RNF220: variants seen among roughly 807,000 people sequenced by gnomAD.
The protein encoded by RNF220 is ring finger protein 220.
Under a neutral mutation model 67.1 loss-of-function variants are expected in RNF220, and 7 were observed. The ratio of observed to expected loss-of-function variants is 0.10; its 90% CI spans 0.06 to 0.20. The LOEUF is 0.20. RNF220 is among the 10% of genes least tolerant of loss of function. RNF220 has a pLI of 1.00. For missense variants in RNF220, 565 were observed against 740.3 expected (o/e 0.76, Z 2.75); for synonymous variants, 270 against 283.2 (o/e 0.95, Z 0.47).
intron 2 of RNF220, among the ~76,000 whole-genome samples, chr1:44,546,606 A>G (rs563005508): frequency 1.3e-5 from 2 of 152,294 alleles, no homozygotes; most frequent in East Asian, 3.9e-4. Context: ...AGCAGACCAC[A>G]TCAGAGGAGC....
chr1:44,538,184 T>TGTC (rs1661383696), intron 2 of RNF220, among the ~76,000 whole-genome samples: 1 of 152,244 alleles, frequency 6.6e-6, no homozygotes. Context: ...TCTGGTCATA[T>TGTC]GTCACTGGAG....
At chr1:44,476,717 A>G (rs890414465) in intron 2 of RNF220, among the ~76,000 whole-genome samples, 15 of 152,252 alleles carry the variant, frequency 9.9e-5, no homozygotes, top group Admixed American at 2.6e-4. Context: ...GCTTGCAACC[A>G]TCAGGCTAGA....
intron 2 of RNF220, among the ~76,000 whole-genome samples, chr1:44,580,212 C>T (rs1665168199): frequency 6.6e-6 from 1 of 152,018 alleles, no homozygotes; most frequent in Non-Finnish European, 1.5e-5. Context: ...GTTGCTATTA[C>T]ATAATGAAGC....
chr1:44,472,894 T>A (rs1654941689), intron 2 of RNF220, among the ~76,000 whole-genome samples: 1 of 152,188 alleles, frequency 6.6e-6, no homozygotes, highest in Non-Finnish European at 1.5e-5. Flanking sequence ...CCACCTTGCC[T>A]TTCTCCCTCT....
Position 44,524,092 on chromosome 1 carries a change from C to T in RNF220, c.626-90073C>T, listed in dbSNP as rs1292441941. 5.5e-5 allele frequency among the ~76,000 whole-genome samples: 8 copies of T among 146,142 alleles called. No homozygotes were observed. In the Admixed American group the frequency reaches 5.5e-4, roughly 10 times the overall value. The stretch of plus-strand genomic sequence containing the variant: ...GCAGCAGCCTGGCTAGAGTGGGGGC[C>T]CAAATGTGAATGGGGGGATGCTGGA... On this transcript the variant is annotated intron_variant, in intron 2 of 14. Transcript: ENST00000361799.
At chr1:44,601,118 C>T (rs1335452869) in intron 2 of RNF220, among the ~76,000 whole-genome samples, 1 of 152,132 alleles carries the variant, frequency 6.6e-6, no homozygotes, top group Non-Finnish European at 1.5e-5. Context: ...GGTATATTGC[C>T]TAGCACATGG....
intron 2 of RNF220, among the ~76,000 whole-genome samples, chr1:44,431,500 CAAAAAAAAA>C (rs34244024): frequency 1.1e-5 from 1 of 90,480 alleles, no homozygotes; most frequent in Non-Finnish European, 2.4e-5. Context: ...GACTTCATCT[CAAAAAAAAA>C]AAAAAAAAAA....
chr1:44,535,145 T>A (rs1305749149), intron 2 of RNF220, among the ~76,000 whole-genome samples: 1 of 146,410 alleles, frequency 6.8e-6, no homozygotes, highest in Non-Finnish European at 1.5e-5. Flanking sequence ...CTTTTTTTTT[T>A]TTTTTTTTTT....
intron 2 of RNF220, among the ~76,000 whole-genome samples, chr1:44,478,474 C>T (rs1038617369): frequency 2.0e-5 from 3 of 151,972 alleles, no homozygotes; most frequent in African/African-American, 7.2e-5. Context: ...GTAATCCTAG[C>T]ACTTTGGGAG....
At chr1:44,594,425 G>A (rs1187961742) in intron 2 of RNF220, among the ~76,000 whole-genome samples, 1 of 152,236 alleles carries the variant, frequency 6.6e-6, no homozygotes, top group African/African-American at 2.4e-5. Flanking sequence ...AGAGCCGTAC[G>A]GGGTAAGGCA....
At chr1:44,635,770 T>TCAG in intron 7 of RNF220, 182 bp downstream of exon 7, 1 of 1,412,050 alleles carries the variant, frequency 7.1e-7, no homozygotes, top group South Asian at 1.4e-5. Flanking sequence ...CCATGTGGTC[T>TCAG]CAGCAGCTTC....
rs145695795 is a variant in RNF220, at chr1:44,606,285, C to T, written c.626-7880C>T. ...GTTTGGAATCATAGTCTTGGGGCCT[C>T]GTTCATATTGACTGAAGGTAAAAAA... is the stretch of plus-strand genomic sequence containing the variant. On this transcript the variant is annotated intron_variant, in intron 2 of 14. Coordinates refer to ENST00000361799, the MANE Select transcript of RNF220 (RefSeq NM_018150.4). The surrounding 1 kb of genome is among the most constrained non-coding windows in gnomAD (Gnocchi z 4.2). 6.6e-6 allele frequency among the ~76,000 whole-genome samples: 1 copy of T among 152,276 alleles called. No homozygotes were observed. Among genetic ancestry groups the T allele is most frequent in the East Asian group, 1.9e-4 (1 of 5,188 alleles).
chr1:44,607,692 T>G (rs1006779079), intron 2 of RNF220, among the ~76,000 whole-genome samples: 4 of 151,886 alleles, frequency 2.6e-5, no homozygotes, highest in African/African-American at 9.7e-5. Context: ...GGTTTCACTG[T>G]GTTAGCCAGG....
At chr1:44,500,082 TC>T (rs530023261) in intron 2 of RNF220, among the ~76,000 whole-genome samples, 1 of 152,236 alleles carries the variant, frequency 6.6e-6, no homozygotes. Flanking sequence ...TTTTCCTGCT[TC>T]TACCCTTGTT....
intron 8 of RNF220, among the ~76,000 whole-genome samples, chr1:44,639,872 C>T (rs906159404): frequency 6.6e-6 from 1 of 152,252 alleles, no homozygotes; most frequent in African/African-American, 2.4e-5. Flanking sequence ...TCACTGCAAC[C>T]TCCACCTCCT....
chr1:44,451,495 A>G (rs901247159), intron 2 of RNF220, among the ~76,000 whole-genome samples: 6 of 152,184 alleles, frequency 3.9e-5, no homozygotes, highest in South Asian at 2.1e-4. Context: ...GGTTCTCTCC[A>G]TTACATTATG....
chr1:44,567,966 C>G (rs1664149871), intron 2 of RNF220, among the ~76,000 whole-genome samples: 1 of 152,140 alleles, frequency 6.6e-6, no homozygotes, highest in African/African-American at 2.4e-5. Context: ...TCAACTTGTC[C>G]AAAGCTGAAC....
At chr1:44,503,560 G>A (rs1480956206) in intron 2 of RNF220, among the ~76,000 whole-genome samples, 1 of 152,088 alleles carries the variant, frequency 6.6e-6, no homozygotes, top group Non-Finnish European at 1.5e-5. Context: ...TTGTCCATCT[G>A]ATTTGCAGCC....
intron 2 of RNF220, among the ~76,000 whole-genome samples, chr1:44,582,425 G>A (rs1233268938): frequency 6.6e-6 from 1 of 152,144 alleles, no homozygotes; most frequent in Non-Finnish European, 1.5e-5. Flanking sequence ...GAAGAAACAG[G>A]GGACTGAGGT....
Sources: allele counts gnomAD v4.1 joint callset (sites outside exome capture counted in the v4.1 genomes callset), GRCh38; gene constraint gnomAD v4.1.1; non-coding constraint Gnocchi (gnomAD v3.1); transcripts MANE v1.5; gene names NCBI Gene and HGNC (gene_info 2026-07-23, HGNC 2026-07-21).